MECOM: variants seen among roughly 807,000 people sequenced by gnomAD.
The protein encoded by MECOM is histone-lysine N-methyltransferase MECOM.
MECOM carries 13 observed loss-of-function variants against 116.3 expected under a neutral mutation model. The ratio of observed to expected loss-of-function variants is 0.11; its 90% CI spans 0.07 to 0.18. The LOEUF (loss-of-function observed/expected upper bound fraction) is 0.18. Among genes scored for constraint, MECOM ranks in the 10% least tolerant of loss-of-function variants. The probability of loss-of-function intolerance (pLI) is 1.00; values close to 1 mark genes in which losing one functional copy is unlikely to be tolerated. For synonymous variants in MECOM, 528 were observed against 535.2 expected, an observed-to-expected ratio of 0.99 and a Z score of 0.19; for missense variants, 1,299 against 1,509.0, an observed-to-expected ratio of 0.86 and a Z score of 2.31.
chr3:169,408,613 C>T (rs148681020), intron 1 of MECOM, among the ~76,000 whole-genome samples: 173 of 152,232 alleles, frequency 1.1e-3, no homozygotes, highest in Non-Finnish European at 1.9e-3. Flanking sequence ...TTTCTCCTGT[C>T]AGATACTAAA....
rs975239459 is a variant in MECOM, at chr3:169,416,716, T to G, written c.38-35192A>C. Among the ~76,000 whole-genome samples, 3 of 151,898 alleles carry G rather than the reference T, an allele frequency of 2.0e-5. No homozygotes were observed. In the Middle Eastern group the frequency reaches 0.01, roughly 517 times the overall value. On this transcript the variant is annotated intron_variant, in intron 1 of 16. Transcript: ENST00000651503. Reference sequence around the variant, plus strand: ...AAAGAGGATAGCACCACTGACCCCATAGAAATACAAACTACAATCAGAGAA... The same window carrying G: ...AAAGAGGATAGCACCACTGACCCCAGAGAAATACAAACTACAATCAGAGAA...
At chr3:169,109,140 T>G (rs1452304943) in intron 9 of MECOM, among the ~76,000 whole-genome samples, 1 of 152,172 alleles carries the variant, frequency 6.6e-6, no homozygotes, top group Non-Finnish European at 1.5e-5. Flanking sequence ...GGTCACACAG[T>G]AATAACATTC....
chr3:169,354,555 TA>T (rs1450153876), intron 2 of MECOM, among the ~76,000 whole-genome samples: 2 of 151,948 alleles, frequency 1.3e-5, no homozygotes, highest in African/African-American at 4.8e-5. Flanking sequence ...ACCCATAGGT[TA>T]AATCCTAGCC....
At chr3:169,119,189 C>T (rs879248654) in intron 7 of MECOM, among the ~76,000 whole-genome samples, 13 of 152,180 alleles carry the variant, frequency 8.5e-5, no homozygotes, top group Admixed American at 7.9e-4. Context: ...TTGCCATAAA[C>T]ACACCAGTGG....
intron 2 of MECOM, among the ~76,000 whole-genome samples, chr3:169,287,556 A>G (rs1713585100): frequency 6.6e-6 from 1 of 152,218 alleles, no homozygotes; most frequent in Non-Finnish European, 1.5e-5. Flanking sequence ...TTGTTGATTT[A>G]CTTTAGAAAC....
At chr3:169,110,486 C>T (rs1726989531) in intron 9 of MECOM, among the ~76,000 whole-genome samples, 1 of 152,026 alleles carries the variant, frequency 6.6e-6, no homozygotes. Flanking sequence ...TGTATCCCAG[C>T]TATATATAGC....
At chr3:169,509,926 C>T (rs1755757925) in intron 1 of MECOM, among the ~76,000 whole-genome samples, 1 of 152,228 alleles carries the variant, frequency 6.6e-6, no homozygotes, top group Admixed American at 6.5e-5. Context: ...GCTTACGCAT[C>T]TCTTGACTCA....
intron 2 of MECOM, among the ~76,000 whole-genome samples, chr3:169,225,641 G>T (rs1752636693): frequency 6.6e-6 from 1 of 152,136 alleles, no homozygotes; most frequent in African/African-American, 2.4e-5. Flanking sequence ...ACACTGTCTT[G>T]CTCTGTCGTC....
intron 1 of MECOM, among the ~76,000 whole-genome samples, chr3:169,492,597 CTAT>C (rs1445704796): frequency 6.6e-6 from 1 of 152,100 alleles, no homozygotes; most frequent in East Asian, 1.9e-4. Context: ...GTGTTTAATA[CTAT>C]TATTATATAA....
In MECOM at chr3:169,149,931, CTCTCTGTGTG is replaced by C. The variant is rs1334194700; in HGVS notation, c.376-6109_376-6100del. Among the ~76,000 whole-genome samples the C allele has an allele frequency of 3.1e-3, 386 of 124,280 alleles. 4 individuals carry two copies. The highest frequency in any genetic ancestry group is 6.8e-3 in the African/African-American group (222 of 32,586). 81.5% of individuals were successfully genotyped at this position (124,280 alleles called of 152,430 possible). On this transcript the variant is annotated intron_variant, in intron 2 of 16. Transcript: ENST00000651503. ...ACTAAATCTTAATCTCTCTTTCTCTCTCTCTGTGTGTGTGTGTGTGTGTGTGTGTGTGTGT... is the reference window on the plus strand; with the variant it reads ...ACTAAATCTTAATCTCTCTTTCTCTCTGTGTGTGTGTGTGTGTGTGTGTGT...
chr3:169,581,592 T>C (rs1765129869), intron 1 of MECOM, among the ~76,000 whole-genome samples: 2 of 152,136 alleles, frequency 1.3e-5, no homozygotes, highest in South Asian at 4.2e-4. Flanking sequence ...CAGTACCAGA[T>C]TATGAGGTCC....
rs983042616 is a variant in MECOM, at chr3:169,418,542, T to C, written c.38-37018A>G. ...ATCTAGCAGCACATCAAAAAGCTTATCCACTATGATCAAGTCGGCTTCACC... is the reference window on the plus strand; with the variant it reads ...ATCTAGCAGCACATCAAAAAGCTTACCCACTATGATCAAGTCGGCTTCACC... On this transcript the variant is annotated intron_variant, in intron 1 of 16. Transcript: ENST00000651503. 5.3e-5 allele frequency among the ~76,000 whole-genome samples: 8 copies of C among 152,266 alleles called. No homozygotes were observed. In the South Asian group the frequency reaches 1.2e-3, roughly 24 times the overall value.
At chr3:169,582,089 G>A (rs1309046732) in intron 1 of MECOM, among the ~76,000 whole-genome samples, 1 of 152,308 alleles carries the variant, frequency 6.6e-6, no homozygotes, top group Non-Finnish European at 1.5e-5. Context: ...TTGAGGCCTG[G>A]TTTAAATTGG....
At chr3:169,312,512 G>T (rs2149734150) in intron 2 of MECOM, among the ~76,000 whole-genome samples, 1 of 152,042 alleles carries the variant, frequency 6.6e-6, no homozygotes, top group East Asian at 1.9e-4. Flanking sequence ...GGGACCACAG[G>T]TGCCCGCCAC....
intron 2 of MECOM, among the ~76,000 whole-genome samples, chr3:169,186,710 C>CT (rs1746825988): frequency 6.6e-6 from 1 of 152,038 alleles, no homozygotes; most frequent in African/African-American, 2.4e-5. Context: ...AAAAATCTGT[C>CT]TGAGTTTACA....
chr3:169,093,261 AC>A (rs1720372965), intron 13 of MECOM, among the ~76,000 whole-genome samples, 159 bp from the exon 14 acceptor site: 1 of 152,232 alleles, frequency 6.6e-6, no homozygotes, highest in African/African-American at 2.4e-5. Context: ...TCCCCAGTTT[AC>A]CATAATACAC....
At chr3:169,146,144 A>T (rs76374095) in intron 2 of MECOM, 66,875 of 823,392 alleles carry the variant, frequency 0.081, 2,878 homozygotes, top group Non-Finnish European at 0.091. Flanking sequence ...AAGATAGCTT[A>T]AAAAAAAACC....
chr3:169,443,495 G>A (rs1744083085), intron 1 of MECOM, among the ~76,000 whole-genome samples: 1 of 152,130 alleles, frequency 6.6e-6, no homozygotes, highest in Admixed American at 6.6e-5. Context: ...ACCAATCACA[G>A]TGTTAAGAAG....
chr3:169,468,192 C>T (rs942175490), intron 1 of MECOM, among the ~76,000 whole-genome samples: 2 of 152,026 alleles, frequency 1.3e-5, no homozygotes, highest in African/African-American at 4.8e-5. Context: ...TTCCTTTTAG[C>T]TGCTCAAAGG....
Sources: allele counts gnomAD v4.1 joint callset (sites outside exome capture counted in the v4.1 genomes callset), GRCh38; gene constraint gnomAD v4.1.1; transcripts MANE v1.5; gene names NCBI Gene and HGNC (gene_info 2026-07-23, HGNC 2026-07-21).